Variants in MORN1 observed in about 807,000 individuals in gnomAD.
MORN1 encodes the protein MORN repeat containing 1.
Under a neutral mutation model 61.9 loss-of-function variants are expected in MORN1, and 67 were observed. The ratio of observed to expected loss-of-function variants is 1.08; its 90% CI spans 0.89 to 1.33. The LOEUF (loss-of-function observed/expected upper bound fraction) is 1.33, where lower values mean the gene tolerates loss of function less well. Ranked by LOEUF, MORN1 falls within the 40% of genes most tolerant of loss-of-function variation. The probability of loss-of-function intolerance (pLI) is 0.00; values close to 1 mark genes in which losing one functional copy is unlikely to be tolerated. For missense variants in MORN1, 752 were observed against 691.2 expected, an observed-to-expected ratio of 1.09 and a Z score of -0.99; for synonymous variants, 301 against 292.0, an observed-to-expected ratio of 1.03 and a Z score of -0.31.
intron 10 of MORN1, among the ~76,000 whole-genome samples, chr1:2,340,336 C>T (rs1393634991): frequency 2.0e-5 from 3 of 152,168 alleles, no homozygotes; most frequent in East Asian, 1.9e-4. Context: ...CTGTGTCCTG[C>T]GCATCCCACT....
chr1:2,338,295 C>T (rs1288521405), intron 10 of MORN1, among the ~76,000 whole-genome samples: 1 of 152,198 alleles, frequency 6.6e-6, no homozygotes, highest in Non-Finnish European at 1.5e-5. Context: ...GTCTTCCCTT[C>T]TGCAAGGACA....
In MORN1 at chr1:2,372,258, C is replaced by A; in HGVS notation, c.745+223G>T. On this transcript the variant is annotated intron_variant, in intron 8 of 13. Transcript: ENST00000378531. This position sits in a 1 kb window ranked among gnomAD's most constrained non-coding sequence, Gnocchi z 5.4. ...ATGCACACACATACAGGAGCACGCA[C>A]ATCACACAATATGTGCACACATGCT... The A allele has an allele frequency of 1.9e-6, 1 of 528,532 alleles. No homozygotes were observed. The highest frequency in any genetic ancestry group is 3.3e-5 in the East Asian group (1 of 30,088). 32.7% of individuals were successfully genotyped at this position (528,532 alleles called of 1,614,324 possible).
chr1:2,373,907 C>A (rs1228856442), intron 7 of MORN1, among the ~76,000 whole-genome samples: 1 of 152,238 alleles, frequency 6.6e-6, no homozygotes, highest in Non-Finnish European at 1.5e-5. Context: ...CTTGCAGGTG[C>A]CCCGGCGCAG....
At chr1:2,390,690 G>A (rs1359176084) in intron 1 of MORN1, 20 of 985,154 alleles carry the variant, frequency 2.0e-5, no homozygotes, top group Non-Finnish European at 2.4e-5. Context: ...AGTAGTGTTA[G>A]CTCTGAGTTC....
chr1:2,354,390 C>A (rs867101556), intron 10 of MORN1, among the ~76,000 whole-genome samples: 1 of 151,154 alleles, frequency 6.6e-6, no homozygotes, highest in African/African-American at 2.4e-5. Flanking sequence ...CATGGCGAGG[C>A]CCTGTCTCTA....
At chr1:2,377,369 G>A (rs918551470) in intron 6 of MORN1, 8 of 152,290 alleles carry the variant, frequency 5.3e-5, no homozygotes, top group African/African-American at 1.9e-4. Flanking sequence ...CTCTGTGAGG[G>A]GCCCTCCCTT....
At chr1:2,327,249 CACACAG>C (rs1357500091) in intron 12 of MORN1, among the ~76,000 whole-genome samples, 3 of 147,322 alleles carry the variant, frequency 2.0e-5, no homozygotes, top group Non-Finnish European at 3.0e-5. Context: ...CACACAGAAA[CACACAG>C]AAACACAGAA....
chr1:2,358,357 G>GA (rs1467902825), intron 9 of MORN1, among the ~76,000 whole-genome samples: 3 of 152,174 alleles, frequency 2.0e-5, no homozygotes, highest in Non-Finnish European at 4.4e-5. Flanking sequence ...AGCGCTGGGG[G>GA]AGACTAGGGG....
At chr1:2,390,041 T>C (rs757381516) in intron 1 of MORN1, 45 bp from the exon 2 acceptor site, 1 of 1,542,376 alleles carries the variant, frequency 6.5e-7, no homozygotes, top group Admixed American at 1.7e-5. Context: ...GACACAGAGA[T>C]GAGGGATGCT....
chr1:2,324,486 C>T (rs577636948), intron 12 of MORN1, among the ~76,000 whole-genome samples: 11 of 152,322 alleles, frequency 7.2e-5, no homozygotes, highest in African/African-American at 2.4e-4. Flanking sequence ...GAGAAGATCC[C>T]GGAGGGCGGG....
chr1:2,338,372 G>T (rs1158649962), intron 10 of MORN1, among the ~76,000 whole-genome samples: 1 of 152,192 alleles, frequency 6.6e-6, no homozygotes, highest in Non-Finnish European at 1.5e-5. Context: ...CCGGGGCAAT[G>T]GCTGGGAGCT....
At chr1:2,360,596 G>A (rs1013971615) in intron 8 of MORN1, among the ~76,000 whole-genome samples, 4 of 152,170 alleles carry the variant, frequency 2.6e-5, no homozygotes, top group Non-Finnish European at 5.9e-5. Context: ...AAAATTCAAA[G>A]GGCAGAGCAG....
At chr1:2,366,997 C>CACATAGAAAAAT (rs1254453413) in intron 8 of MORN1, among the ~76,000 whole-genome samples, 2 of 84,712 alleles carry the variant, frequency 2.4e-5, no homozygotes, top group Admixed American at 1.1e-4. Context: ...CATAGAAAAA[C>CACATAGAAAAAT]ACATAGAAAA....
rs1557866345 is a variant in MORN1 at position 2,327,183 on chromosome 1, G to GACAGAAACAA, written c.1251-3041_1251-3040insTTGTTTCTGT. Reference sequence around the variant, plus strand: ...ACACACAGACAGAAACAAACACAGAGACACAGAGACACAGAAACACACAGA... The same window carrying GACAGAAACAA: ...ACACACAGACAGAAACAAACACAGAGACAGAAACAAACACAGAGACACAGAAACACACAGA... On this transcript the variant is annotated intron_variant, in intron 12 of 13. Coordinates refer to ENST00000378531, the MANE Select transcript of MORN1 (RefSeq NM_024848.3). Among the ~76,000 whole-genome samples the GACAGAAACAA allele has an allele frequency of 4.8e-3, 572 of 119,480 alleles. 35 individuals are homozygous for GACAGAAACAA. Among genetic ancestry groups the GACAGAAACAA allele is most frequent in the African/African-American group, 0.02 (536 of 27,008 alleles). 78.4% of individuals were successfully genotyped at this position (119,480 alleles called of 152,430 possible).
chr1:2,359,649 G>C (rs191635639), intron 8 of MORN1, among the ~76,000 whole-genome samples: 1 of 152,160 alleles, frequency 6.6e-6, no homozygotes, highest in Non-Finnish European at 1.5e-5. Context: ...TTGGGAGGCC[G>C]AGGCGGGTGG....
At chr1:2,322,107 G>A (rs1640894590) in intron 13 of MORN1, 4 of 985,440 alleles carry the variant, frequency 4.1e-6, no homozygotes, top group Non-Finnish European at 4.8e-6. Context: ...CTCTCCGGGT[G>A]GGGCTGGAGG....
intron 2 of MORN1, among the ~76,000 whole-genome samples, chr1:2,389,146 T>G (rs1642582039): frequency 6.7e-6 from 1 of 148,264 alleles, no homozygotes; most frequent in Admixed American, 6.7e-5. Context: ...GAAACAAAAC[T>G]GGCAGAGAGC....
chr1:2,345,054 G>A (rs753078581), intron 10 of MORN1, among the ~76,000 whole-genome samples: 2 of 151,966 alleles, frequency 1.3e-5, no homozygotes, highest in Non-Finnish European at 2.9e-5. Context: ...TATGTGCCCC[G>A]AAGACAGTGT....
At position 2,354,712 on chromosome 1, in the gene MORN1, C is replaced by T. The variant is rs537707248; in HGVS notation, c.1036+2720G>A. On this transcript the variant is annotated intron_variant, in intron 10 of 13. Transcript: ENST00000378531. ...AGGCCAGCATGCGCACTCAGTCATCCGTCCTTGGGGTGGACGCTGCTGTTG... is the reference window on the plus strand; with the variant it reads ...AGGCCAGCATGCGCACTCAGTCATCTGTCCTTGGGGTGGACGCTGCTGTTG... Among the ~76,000 whole-genome samples the T allele has an allele frequency of 9.5e-4, 145 of 152,302 alleles. 1 individual carries two copies. The highest frequency in any genetic ancestry group is 3.1e-3 in the African/African-American group (128 of 41,562).
Sources: allele counts gnomAD v4.1 joint callset (sites outside exome capture counted in the v4.1 genomes callset), GRCh38; gene constraint gnomAD v4.1.1; non-coding constraint Gnocchi (gnomAD v3.1); transcripts MANE v1.5; gene names NCBI Gene and HGNC (gene_info 2026-07-23, HGNC 2026-07-21).